The following KCNK12 variants were observed in gnomAD, a reference collection of about 807,000 sequenced individuals.
The protein encoded by KCNK12 is potassium two pore domain channel subfamily K member 12.
In KCNK12, 6 loss-of-function variants were observed where a neutral mutation model predicts 25.3. That is an observed-to-expected ratio of 0.24 (90% CI 0.13 to 0.47). The LOEUF is 0.47. Among genes scored for constraint, KCNK12 ranks in the 20% least tolerant of loss-of-function variants. KCNK12 has a pLI of 0.99. For missense variants in KCNK12, 444 were observed against 661.7 expected (o/e 0.67, Z 3.61); for synonymous variants, 331 against 311.1 (o/e 1.06, Z -0.67).
rs1668376074 is a variant in KCNK12, at chr2:47,510,570, A to C, written c.*10337T>G. 6.6e-6 allele frequency among the ~76,000 whole-genome samples: 1 copy of C among 152,048 alleles called. No individual in the cohort carries two copies. The highest frequency in any genetic ancestry group is 2.4e-5 in the African/African-American group (1 of 41,382). ...AGGATCTGCCCTGGGGGCTATCTCA[A>C]CACCCCTACACTCTCACCGCACGTA... On this transcript the variant is annotated 3_prime_UTR_variant, in exon 2 of 2. Transcript: ENST00000327876.
At position 47,560,229 on chromosome 2, in the gene KCNK12, C is replaced by T. The variant is rs551783308; in HGVS notation, c.391+9712G>A. Among the ~76,000 whole-genome samples, 44 of 152,312 alleles carry T rather than the reference C, an allele frequency of 2.9e-4. No homozygotes were observed. In the East Asian group the frequency reaches 7.3e-3, roughly 25 times the overall value. ...GAGGGTTCTCAGGTCTGGGCGGGAG[C>T]TCGGTCCTCTTCAACAAGTTCCCAG... On this transcript the variant is annotated intron_variant, in intron 1 of 1. Coordinates refer to ENST00000327876, the MANE Select transcript of KCNK12 (RefSeq NM_022055.2). This position sits in a 1 kb window ranked among gnomAD's most constrained non-coding sequence, Gnocchi z 4.7.
Position 47,533,440 on chromosome 2 carries a change from G to A in KCNK12, c.392-11632C>T, listed in dbSNP as rs1430768417. Among the ~76,000 whole-genome samples the A allele has an allele frequency of 6.6e-6, 1 of 152,216 alleles. No homozygotes were observed. The highest frequency in any genetic ancestry group is 2.4e-5 in the African/African-American group (1 of 41,458). On this transcript the variant is annotated intron_variant, in intron 1 of 1. Transcript: ENST00000327876. This position sits in a 1 kb window ranked among gnomAD's most constrained non-coding sequence, Gnocchi z 4.7. ...CTTAGCTGGGAAGCACGATGGGTGA[G>A]GCATGGACCTTATTTCACAGCAAAG...
At chr2:47,563,595 T>C (rs752273395) in intron 1 of KCNK12, 28 of 232,896 alleles carry the variant, frequency 1.2e-4, no homozygotes, top group Non-Finnish European at 2.0e-4. Context: ...GTCTTGGAGA[T>C]GCTCTAGGGC....
At chr2:47,542,965 C>G (rs1669233734) in intron 1 of KCNK12, among the ~76,000 whole-genome samples, 1 of 152,146 alleles carries the variant, frequency 6.6e-6, no homozygotes, top group African/African-American at 2.4e-5. Context: ...TGTTGCCAAG[C>G]CTGGAGTGCA....
At chr2:47,563,760 G>A (rs1431838013) in intron 1 of KCNK12, 1 of 232,948 alleles carries the variant, frequency 4.3e-6, no homozygotes, top group African/African-American at 2.2e-5. Context: ...CATGCCTGGG[G>A]AAAGTTATGA....
rs1306426416 is a variant in KCNK12 at position 47,528,824 on chromosome 2, AGCATGGAAGT to A, written c.392-7026_392-7017del. On this transcript the variant is annotated intron_variant, in intron 1 of 1. Transcript: ENST00000327876. The surrounding 1 kb of genome is among the most constrained non-coding windows in gnomAD (Gnocchi z 4.5). ...GGGGCCTTCGGAGTTCAGCTCAGAG[AGCATGGAAGT>A]GAGATGGAGAGGCCAGCACTGATCT... Among the ~76,000 whole-genome samples, 4 of 152,232 alleles carry A rather than the reference AGCATGGAAGT, an allele frequency of 2.6e-5. No individual in the cohort carries two copies. The highest frequency in any genetic ancestry group is 9.6e-5 in the African/African-American group (4 of 41,546).
chr2:47,521,637 C>A lies in KCNK12; in HGVS notation c.563G>T (p.Gly188Val). 1 of 1,586,210 alleles carries A rather than the reference C, an allele frequency of 6.3e-7. No individual in the cohort carries two copies. Among genetic ancestry groups the A allele is most frequent in the Non-Finnish European group, 8.6e-7 (1 of 1,168,736 alleles). ...GCGGCGGAAGGTGGCGGGCAGCAGGCCGCTGCGGCGCAGCTGGCGCTCCCG... is the reference window on the plus strand; with the variant it reads ...GCGGCGGAAGGTGGCGGGCAGCAGGACGCTGCGGCGCAGCTGGCGCTCCCG... The part of the protein sequence containing the change: ...ACRERQLRRS[G>V]LLPATFRRGS... The change falls in exon 2 of 2, where the codon GGC becomes GTC. Residue 188 changes from glycine (G) to valine (V), a missense_variant. Physicochemically the swap from Gly to Val is moderately radical, Grantham distance 109. Transcript: ENST00000327876.
At position 47,526,355 on chromosome 2, in the gene KCNK12, G is replaced by A. The variant is rs181242474; in HGVS notation, c.392-4547C>T. On this transcript the variant is annotated intron_variant, in intron 1 of 1. Coordinates refer to ENST00000327876, the MANE Select transcript of KCNK12 (RefSeq NM_022055.2). ...CAGGAGGCGGAGCTTGCAGTGAGCCGAGATTGCGCCACTGCACTCCAGCCT... is the reference window on the plus strand; with the variant it reads ...CAGGAGGCGGAGCTTGCAGTGAGCCAAGATTGCGCCACTGCACTCCAGCCT... 3.5e-3 allele frequency among the ~76,000 whole-genome samples: 522 copies of A among 147,756 alleles called. 6 individuals carry two copies. Among genetic ancestry groups the A allele is most frequent in the African/African-American group, 0.012 (499 of 39,974 alleles).
Position 47,509,615 on chromosome 2 carries a change from G to A in KCNK12, c.*11292C>T, listed in dbSNP as rs1272830738. On this transcript the variant is annotated 3_prime_UTR_variant, in exon 2 of 2. Coordinates refer to ENST00000327876, the MANE Select transcript of KCNK12 (RefSeq NM_022055.2). ...CTGTGGCATGACGTGCTGGAGTCACGATTCTGTCACCCAGTCAGGTCATCA... is the reference window on the plus strand; with the variant it reads ...CTGTGGCATGACGTGCTGGAGTCACAATTCTGTCACCCAGTCAGGTCATCA... Among the ~76,000 whole-genome samples the A allele has an allele frequency of 6.6e-6, 1 of 152,230 alleles. No individual in the cohort carries two copies. The highest frequency in any genetic ancestry group is 1.5e-5 in the Non-Finnish European group (1 of 68,038).
intron 1 of KCNK12, among the ~76,000 whole-genome samples, chr2:47,537,076 A>G (rs1669088368): frequency 6.6e-6 from 1 of 152,188 alleles, no homozygotes; most frequent in African/African-American, 2.4e-5. Context: ...CTTATGCTCC[A>G]TGGCAGATCC....
intron 1 of KCNK12, among the ~76,000 whole-genome samples, chr2:47,558,769 G>T (rs1669601714): frequency 6.6e-6 from 1 of 152,246 alleles, no homozygotes; most frequent in Non-Finnish European, 1.5e-5. Context: ...TAGGACAACT[G>T]ATTCCAATAA....
Position 47,512,550 on chromosome 2 carries a change from G to A in KCNK12, c.*8357C>T. 1 of 1,177,786 alleles carries A rather than the reference G, an allele frequency of 8.5e-7. No individual in the cohort carries two copies. The highest frequency in any genetic ancestry group is 1.2e-6 in the Non-Finnish European group (1 of 852,482). 73.0% of individuals were successfully genotyped at this position (1,177,786 alleles called of 1,614,324 possible). On this transcript the variant is annotated 3_prime_UTR_variant, in exon 2 of 2. Transcript: ENST00000327876. ...GCTCTCAAAAATGGACCAGAAAGGG[G>A]TCAGGAATATAACTTTCTCTGCCCA...
In KCNK12 at chr2:47,529,297, G is replaced by A. The variant is rs1469362088; in HGVS notation, c.392-7489C>T. The stretch of plus-strand genomic sequence containing the variant: ...ATTCCATGGCAGGTCCCGCTCAGAG[G>A]TTTATTTAGTGGGTCAGAAAATGGG... On this transcript the variant is annotated intron_variant, in intron 1 of 1. Transcript: ENST00000327876. This position sits in a 1 kb window ranked among gnomAD's most constrained non-coding sequence, Gnocchi z 4.3. The A allele has an allele frequency of 2.6e-5, 4 of 152,160 alleles. No homozygotes were observed. Among genetic ancestry groups the A allele is most frequent in the African/African-American group, 9.7e-5 (4 of 41,424 alleles). The allele number at this position is 152,160 out of a possible 1,614,324, so 9.4% of individuals were successfully genotyped here. A position where few individuals can be genotyped will look rare whatever the true frequency, so the allele number is the denominator to read the frequency against.
At chr2:47,537,375 G>A (rs1669096427) in intron 1 of KCNK12, among the ~76,000 whole-genome samples, 1 of 151,014 alleles carries the variant, frequency 6.6e-6, no homozygotes, top group Non-Finnish European at 1.5e-5. Context: ...CTGTCGCCCA[G>A]GCTGGAGTGC....
At chr2:47,568,672 C>G (rs1669830065) in intron 1 of KCNK12, among the ~76,000 whole-genome samples, 1 of 152,206 alleles carries the variant, frequency 6.6e-6, no homozygotes. Flanking sequence ...GTCCATGCCT[C>G]TGTATCTGAA....
At position 47,562,165 on chromosome 2, in the gene KCNK12, A is replaced by G; in HGVS notation, c.391+7776T>C. 2.5e-6 allele frequency: 1 copy of G among 398,636 alleles called. No individual in the cohort carries two copies. The highest frequency in any genetic ancestry group is 4.4e-6 in the Non-Finnish European group (1 of 226,092). 24.7% of individuals were successfully genotyped at this position (398,636 alleles called of 1,614,324 possible). A position where few individuals can be genotyped will look rare whatever the true frequency, so the allele number is the denominator to read the frequency against. On this transcript the variant is annotated intron_variant, in intron 1 of 1. Transcript: ENST00000327876. This position sits in a 1 kb window ranked among gnomAD's most constrained non-coding sequence, Gnocchi z 4.8. ...GACTGTCAGGTCCCACCCCAGACCT[A>G]CTCAACAGAAACTACTTGGTAAGCA...
Position 47,521,783 on chromosome 2 carries a change from C to T in KCNK12, c.417G>A (p.Thr139=), listed in dbSNP as rs746150319. 5 of 1,492,020 alleles carry T rather than the reference C, an allele frequency of 3.4e-6. No homozygotes were observed. The South Asian group carries it at 4.0e-5, about 12-fold the overall frequency. 92.4% of individuals were successfully genotyped at this position (1,492,020 alleles called of 1,614,324 possible). A position where few individuals can be genotyped will look rare whatever the true frequency, so the allele number is the denominator to read the frequency against. ...TIGFGMTTPA[T]VGGKAFLIAY... ...CGATGAGGAAGGCCTTCCCGCCCAC[C>T]GTCGCGGGGGTGGTCATGCCGAAAC... The change falls in exon 2 of 2, where the codon ACG becomes ACA. Residue 139 remains threonine, a synonymous_variant. Transcript: ENST00000327876.
At position 47,551,824 on chromosome 2, in the gene KCNK12, G is replaced by A. The variant is rs1387821490; in HGVS notation, c.391+18117C>T. 1.3e-5 allele frequency among the ~76,000 whole-genome samples: 2 copies of A among 152,226 alleles called. No homozygotes were observed. Among genetic ancestry groups the A allele is most frequent in the African/African-American group, 2.4e-5 (1 of 41,462 alleles). ...TGTGCATAAATCTAGGGGACTACATGGAGTTCTGAATGACATGTGTCTCAC... is the reference window on the plus strand; with the variant it reads ...TGTGCATAAATCTAGGGGACTACATAGAGTTCTGAATGACATGTGTCTCAC... On this transcript the variant is annotated intron_variant, in intron 1 of 1. Coordinates refer to ENST00000327876, the MANE Select transcript of KCNK12 (RefSeq NM_022055.2). This position sits in a 1 kb window ranked among gnomAD's most constrained non-coding sequence, Gnocchi z 5.3.
chr2:47,537,627 C>T (rs1490686708), intron 1 of KCNK12, among the ~76,000 whole-genome samples: 3 of 152,186 alleles, frequency 2.0e-5, no homozygotes, highest in African/African-American at 7.2e-5. Flanking sequence ...CCGCGCCCAG[C>T]TGTGATTTTC....
Sources: allele counts gnomAD v4.1 joint callset (sites outside exome capture counted in the v4.1 genomes callset), GRCh38; gene constraint gnomAD v4.1.1; non-coding constraint Gnocchi (gnomAD v3.1); transcripts MANE v1.5; gene names NCBI Gene and HGNC (gene_info 2026-07-23, HGNC 2026-07-21).